Variants in CFAP44 observed in about 807,000 individuals in gnomAD.
CFAP44 encodes the protein cilia- and flagella-associated protein 44.
CFAP44 carries 134 observed loss-of-function variants against 216.2 expected under a neutral mutation model. The observed-to-expected ratio is 0.62, with a 90% CI of 0.54 to 0.72. CFAP44 has a LOEUF of 0.72. Ranked by LOEUF, CFAP44 falls within the 30% of genes least tolerant of loss-of-function variation. CFAP44 has a pLI of 0.00. For missense variants in CFAP44, 2,035 were observed against 2,182.1 expected, an observed-to-expected ratio of 0.93 and a Z score of 1.34; for synonymous variants, 700 against 727.6, an observed-to-expected ratio of 0.96 and a Z score of 0.61.
chr3:113,322,890 T>C (rs934627867), intron 28 of CFAP44, among the ~76,000 whole-genome samples: 4 of 152,230 alleles, frequency 2.6e-5, no homozygotes, highest in Non-Finnish European at 4.4e-5. Flanking sequence ...CAGCTCAGCA[T>C]GGCTGGGGAC....
intron 1 of CFAP44, among the ~76,000 whole-genome samples, chr3:113,436,946 C>A (rs1935253464): frequency 6.6e-6 from 1 of 152,222 alleles, no homozygotes; most frequent in Non-Finnish European, 1.5e-5. Flanking sequence ...ACTCAGCTAG[C>A]TCTCTGCTTA....
At position 113,354,630 on chromosome 3, in the gene CFAP44, A is replaced by C. The variant is rs188755141; in HGVS notation, c.3065+4115T>G. Among the ~76,000 whole-genome samples the C allele has an allele frequency of 8.8e-4, 134 of 152,266 alleles. 1 individual carries two copies. The highest frequency in any genetic ancestry group is 4.4e-3 in the Admixed American group (68 of 15,304). ...CTCCATCCCCCACAGCAGCCACAGC[A>C]AGTCCCGCCCAAGGAGAGGGTGAGC... On this transcript the variant is annotated intron_variant, in intron 22 of 34. Coordinates refer to ENST00000393845, the MANE Select transcript of CFAP44 (RefSeq NM_001164496.2).
At chr3:113,327,490 G>T in intron 27 of CFAP44, 126 bp downstream of exon 27, 3 of 774,346 alleles carry the variant, frequency 3.9e-6, no homozygotes, top group Non-Finnish European at 5.9e-6. Flanking sequence ...AAAGGAGGAG[G>T]GGGAAAGAAG....
At chr3:113,365,755 G>A (rs1010661175) in intron 19 of CFAP44, among the ~76,000 whole-genome samples, 1 of 151,928 alleles carries the variant, frequency 6.6e-6, no homozygotes, top group Non-Finnish European at 1.5e-5. Flanking sequence ...AAAAACCTTT[G>A]ATTAAGAAAG....
intron 4 of CFAP44, among the ~76,000 whole-genome samples, chr3:113,424,741 A>T (rs1474079820): frequency 2.0e-5 from 3 of 152,184 alleles, no homozygotes; most frequent in Admixed American, 1.3e-4. Flanking sequence ...TGTTTAAGAA[A>T]AGGCTATAGT....
At chr3:113,405,677 G>C (rs1041138517) in intron 8 of CFAP44, among the ~76,000 whole-genome samples, 1 of 152,130 alleles carries the variant, frequency 6.6e-6, no homozygotes, top group African/African-American at 2.4e-5. Context: ...TATTTCTAAT[G>C]CTAAACATTT....
intron 28 of CFAP44, among the ~76,000 whole-genome samples, chr3:113,316,967 A>C (rs1405997420): frequency 1.3e-5 from 2 of 152,160 alleles, no homozygotes; most frequent in Non-Finnish European, 2.9e-5. Flanking sequence ...TTATGGAGTA[A>C]ACCACCATAA....
rs201396812 is a variant in CFAP44 at position 113,409,239 on chromosome 3, T to C, written c.757A>G (p.Thr253Ala). 53 of 1,614,058 alleles carry C rather than the reference T, an allele frequency of 3.3e-5. No homozygotes were observed. Among genetic ancestry groups the C allele is most frequent in the Non-Finnish European group, 3.8e-5 (45 of 1,180,042 alleles). ...LASVGSNPDY[T>A]LTIWNWKEEQ... The stretch of plus-strand genomic sequence containing the variant: ...TCTTTCCAGTTCCAGATAGTCAGTG[T>C]GTAGTCAGGGTTACTACCAACAGAG... Residue 253 changes from threonine (T) to alanine (A), a missense_variant, in exon 7 of 35, where the codon ACA (threonine) becomes GCA (alanine). This residue lies in a region of CFAP44 where 1,883 missense variants were observed against 2,023.7 expected (regional missense o/e 0.93). Coordinates refer to ENST00000393845, the MANE Select transcript of CFAP44 (RefSeq NM_001164496.2).
chr3:113,307,904 C>A (rs541352918), intron 29 of CFAP44, among the ~76,000 whole-genome samples: 1 of 152,228 alleles, frequency 6.6e-6, no homozygotes, highest in African/African-American at 2.4e-5. Flanking sequence ...AGCTTGAACC[C>A]GGGAGGTGGA....
intron 4 of CFAP44, 39 bp from the exon 5 acceptor site, chr3:113,420,218 T>C (rs753249320): frequency 1.3e-6 from 2 of 1,584,938 alleles, no homozygotes; most frequent in Non-Finnish European, 1.7e-6. Flanking sequence ...TGAAAAACAC[T>C]ACCATCCTAG....
At chr3:113,320,442 A>ATATG (rs1950132965) in intron 28 of CFAP44, among the ~76,000 whole-genome samples, 1 of 113,574 alleles carries the variant, frequency 8.8e-6, no homozygotes, top group East Asian at 2.4e-4. Context: ...ATTGATATAT[A>ATATG]TGATATATAT....
intron 22 of CFAP44, among the ~76,000 whole-genome samples, chr3:113,350,266 A>G (rs543018087): frequency 1.6e-4 from 25 of 151,996 alleles, no homozygotes; most frequent in African/African-American, 4.8e-4. Flanking sequence ...GAAAGAGAGG[A>G]AGAGACAGAC....
At chr3:113,423,077 T>C (rs938925706) in intron 4 of CFAP44, among the ~76,000 whole-genome samples, 10 of 151,422 alleles carry the variant, frequency 6.6e-5, no homozygotes, top group African/African-American at 2.2e-4. Flanking sequence ...AATTCATTAA[T>C]TTGTGCATAA....
intron 28 of CFAP44, among the ~76,000 whole-genome samples, chr3:113,312,582 T>A (rs1000868946): frequency 2.6e-5 from 4 of 152,160 alleles, no homozygotes; most frequent in African/African-American, 4.8e-5. Flanking sequence ...GGAATATATC[T>A]CCAGGGCATG....
At chr3:113,428,705 T>C (rs9875025) in intron 2 of CFAP44, among the ~76,000 whole-genome samples, 35,407 of 152,096 alleles carry the variant, frequency 0.23, 5,306 homozygotes, top group African/African-American at 0.43. Context: ...GCAGGGCTGC[T>C]GGCAAAAGGG....
intron 29 of CFAP44, among the ~76,000 whole-genome samples, chr3:113,307,279 AT>A (rs1228382036): frequency 3.3e-5 from 5 of 152,244 alleles, no homozygotes; most frequent in Non-Finnish European, 7.3e-5. Flanking sequence ...ACAGTCTGGC[AT>A]TTCTCTATAA....
chr3:113,426,017 C>T, intron 4 of CFAP44, 107 bp downstream of exon 4: 1 of 1,360,454 alleles, frequency 7.4e-7, no homozygotes, highest in Non-Finnish European at 1.0e-6. Flanking sequence ...CTTGATTTAC[C>T]AAAACAGGTG....
At chr3:113,405,369 T>C (rs1934249257) in intron 8 of CFAP44, among the ~76,000 whole-genome samples, 3 of 152,206 alleles carry the variant, frequency 2.0e-5, no homozygotes, top group Non-Finnish European at 4.4e-5. Context: ...AGCTTCCCTT[T>C]TCCATTTGTT....
chr3:113,424,302 G>T (rs944800899), intron 4 of CFAP44, among the ~76,000 whole-genome samples: 1 of 152,112 alleles, frequency 6.6e-6, no homozygotes, highest in Non-Finnish European at 1.5e-5. Context: ...TGGATGTGGT[G>T]GTGCATGCCT....
Sources: gnomAD v4.1 joint callset for allele counts (sites outside exome capture counted in the v4.1 genomes callset) on GRCh38, gnomAD v4.1.1 for gene constraint, gnomAD v4.1.1 regional missense constraint, MANE v1.5 for transcripts, NCBI Gene and HGNC (gene_info 2026-07-23, HGNC 2026-07-21) for gene names.